The following USP34 variants were observed in gnomAD, a reference collection of about 807,000 sequenced individuals.
USP34 encodes ubiquitin carboxyl-terminal hydrolase 34.
USP34 carries 70 observed loss-of-function variants against 460.3 expected under a neutral mutation model. The ratio of observed to expected loss-of-function variants is 0.15; its 90% CI spans 0.13 to 0.19. The LOEUF (loss-of-function observed/expected upper bound fraction) is 0.19. Ranked by LOEUF, USP34 falls within the 10% of genes least tolerant of loss-of-function variation. USP34 has a pLI of 1.00. For missense variants in USP34, 3,985 were observed against 4,236.2 expected (o/e 0.94, Z 1.65); for synonymous variants, 1,647 against 1,405.3 (o/e 1.17, Z -3.85).
intron 75 of USP34, among the ~76,000 whole-genome samples, chr2:61,197,022 C>A (rs1007585195): frequency 1.3e-5 from 2 of 152,176 alleles, no homozygotes; most frequent in African/African-American, 4.8e-5. Context: ...CGCCTATAAT[C>A]CCAGGACTTC....
At chr2:61,262,046 G>A (rs756775891) in intron 43 of USP34, among the ~76,000 whole-genome samples, 3 of 129,422 alleles carry the variant, frequency 2.3e-5, no homozygotes, top group African/African-American at 6.0e-5. Context: ...AGCCAAGATC[G>A]CGCCACTGCA....
At chr2:61,275,293 T>C (rs1689338740) in intron 41 of USP34, among the ~76,000 whole-genome samples, 2 of 151,942 alleles carry the variant, frequency 1.3e-5, no homozygotes, top group South Asian at 4.2e-4. Context: ...ATAATAACAA[T>C]AATATTTTGA....
At chr2:61,306,734 T>TC (rs1690418487) in intron 27 of USP34, among the ~76,000 whole-genome samples, 1 of 152,100 alleles carries the variant, frequency 6.6e-6, no homozygotes. Flanking sequence ...TCACTGGCCA[T>TC]CAGAGAAATG....
intron 1 of USP34, among the ~76,000 whole-genome samples, chr2:61,459,441 A>T (rs1695534946): frequency 6.6e-6 from 1 of 152,178 alleles, no homozygotes; most frequent in Non-Finnish European, 1.5e-5. Flanking sequence ...CCAACTTCAT[A>T]AGCATGACAC....
At chr2:61,389,806 C>G (rs1361809313) in intron 5 of USP34, among the ~76,000 whole-genome samples, 1 of 151,720 alleles carries the variant, frequency 6.6e-6, no homozygotes, top group East Asian at 1.9e-4. Flanking sequence ...TAATGGAATT[C>G]TAGCAGCCCT....
At chr2:61,254,302 T>C (rs1470293033) in intron 48 of USP34, among the ~76,000 whole-genome samples, 1 of 152,258 alleles carries the variant, frequency 6.6e-6, no homozygotes, top group Non-Finnish European at 1.5e-5. Context: ...TTGTCCTCTG[T>C]ACTTTTAGGT....
intron 34 of USP34, 132 bp downstream of exon 34, chr2:61,288,545 A>C (rs1689757156): frequency 2.2e-6 from 2 of 906,832 alleles, no homozygotes; most frequent in East Asian, 2.6e-5. Flanking sequence ...TACTGCTTTA[A>C]AACAATGCCG....
chr2:61,380,149 A>G lies in USP34; in HGVS notation c.1014+20T>C. ...GAAAACAAATAAACGATGACCAAAAATAAAACAAATACAGCTTACTGTTAT... is the reference window on the plus strand; with the variant it reads ...GAAAACAAATAAACGATGACCAAAAGTAAAACAAATACAGCTTACTGTTAT... On this transcript the variant is annotated intron_variant, in intron 7 of 79. Transcript: ENST00000398571. 1 of 1,599,764 alleles carries G rather than the reference A, an allele frequency of 6.3e-7. No individual in the cohort carries two copies. Among genetic ancestry groups the G allele is most frequent in the Non-Finnish European group, 8.5e-7 (1 of 1,171,554 alleles).
At chr2:61,349,050 AAG>A (rs1691859192) in intron 13 of USP34, among the ~76,000 whole-genome samples, 164 bp from the exon 14 acceptor site, 1 of 115,596 alleles carries the variant, frequency 8.7e-6, no homozygotes, top group Admixed American at 7.9e-5. Context: ...ATTTCTAAAG[AAG>A]ATGTAAGATT....
chr2:61,443,299 C>G (rs1005746073), intron 1 of USP34, among the ~76,000 whole-genome samples: 12 of 151,444 alleles, frequency 7.9e-5, no homozygotes, highest in African/African-American at 2.9e-4. Context: ...AGAAGGTTCC[C>G]AATGCAAAAA....
chr2:61,222,390 C>T (rs1687612611), intron 65 of USP34, among the ~76,000 whole-genome samples: 1 of 151,844 alleles, frequency 6.6e-6, no homozygotes, highest in South Asian at 2.1e-4. Context: ...CCAGGTGGCA[C>T]TCTGATACAA....
intron 29 of USP34, among the ~76,000 whole-genome samples, chr2:61,298,122 A>C (rs1295786646): frequency 6.6e-6 from 1 of 152,148 alleles, no homozygotes; most frequent in Non-Finnish European, 1.5e-5. Context: ...AGACATACAC[A>C]GTAAAGATAC....
At position 61,283,193 on chromosome 2, in the gene USP34, G is replaced by T; in HGVS notation, c.4950C>A (p.Ser1650Arg). The T allele has an allele frequency of 6.2e-7, 1 of 1,613,294 alleles. No individual in the cohort carries two copies. Among genetic ancestry groups the T allele is most frequent in the Non-Finnish European group, 8.5e-7 (1 of 1,179,634 alleles). The change falls in exon 37 of 80, where the codon AGC (serine) becomes AGA (arginine). Residue 1650 changes from serine to arginine, a missense_variant. By Grantham distance (110) the Ser-to-Arg change is moderately radical. This residue lies in a region of USP34 where 1,114 missense variants were observed against 1,122.5 expected (regional missense o/e 0.99). Transcript: ENST00000398571. Reference protein sequence around the residue: ...CSLVKSSLADSDHLQDWLKKL... With the variant: ...CSLVKSSLADRDHLQDWLKKL... Reference sequence around the variant, plus strand: ...TCTTTAGCCAATCTTGTAAATGATCGCTATCAGCAAGGCTAGATTTCACTA... The same window carrying T: ...TCTTTAGCCAATCTTGTAAATGATCTCTATCAGCAAGGCTAGATTTCACTA...
intron 5 of USP34, among the ~76,000 whole-genome samples, chr2:61,390,798 G>GAA (rs888921477): frequency 6.7e-6 from 1 of 148,362 alleles, no homozygotes; most frequent in Admixed American, 6.7e-5. Context: ...TTCAGGTTCT[G>GAA]AAAAAAAAAA....
At chr2:61,453,963 C>G (rs1477095728) in intron 1 of USP34, among the ~76,000 whole-genome samples, 3 of 151,440 alleles carry the variant, frequency 2.0e-5, no homozygotes, top group East Asian at 3.9e-4. Flanking sequence ...TTTTTATGAG[C>G]ATTTTATAAG....
chr2:61,251,491 T>A (rs148134962), intron 48 of USP34, among the ~76,000 whole-genome samples: 248 of 152,340 alleles, frequency 1.6e-3, no homozygotes, highest in African/African-American at 5.0e-3. Context: ...AGCCAAGATA[T>A]AACTACAAAC....
intron 39 of USP34, among the ~76,000 whole-genome samples, chr2:61,279,035 A>G (rs1689457414): frequency 6.6e-6 from 1 of 152,104 alleles, no homozygotes; most frequent in African/African-American, 2.4e-5. Flanking sequence ...CTAAAAAGGA[A>G]AATTACTTTA....
chr2:61,354,819 C>T (rs1377380061), intron 10 of USP34, among the ~76,000 whole-genome samples: 1 of 152,214 alleles, frequency 6.6e-6, no homozygotes, highest in Non-Finnish European at 1.5e-5. Context: ...GAGGTGCTCA[C>T]ACTGAGGCAG....
At chr2:61,241,852 A>T (rs1255185009) in intron 51 of USP34, 33 bp from the exon 52 acceptor site, 1 of 1,193,626 alleles carries the variant, frequency 8.4e-7, no homozygotes, top group Non-Finnish European at 1.2e-6. Flanking sequence ...TACTTCTTTG[A>T]AAAAATGGGT....
Sources: gnomAD v4.1 joint callset for allele counts (sites outside exome capture counted in the v4.1 genomes callset) on GRCh38, gnomAD v4.1.1 for gene constraint, gnomAD v4.1.1 regional missense constraint, MANE v1.5 for transcripts, NCBI Gene and HGNC (gene_info 2026-07-23, HGNC 2026-07-21) for gene names.